SCN1A: variants seen among roughly 807,000 people sequenced by gnomAD.
SCN1A encodes sodium channel protein type 1 subunit alpha.
A neutral mutation model predicts 193.7 loss-of-function variants in SCN1A; 13 were observed. That is an observed-to-expected ratio of 0.07 (90% CI 0.04 to 0.11). The LOEUF is 0.11. SCN1A is among the 10% of genes least tolerant of loss of function. The pLI is 1.00. For missense variants in SCN1A, 1,432 were observed against 2,451.1 expected, an observed-to-expected ratio of 0.58 and a Z score of 8.78; for synonymous variants, 781 against 843.6, an observed-to-expected ratio of 0.93 and a Z score of 1.29.
chr2:166,115,374 C>G (rs1465668434), intron 2 of SCN1A, among the ~76,000 whole-genome samples: 1 of 151,734 alleles, frequency 6.6e-6, no homozygotes, highest in Non-Finnish European at 1.5e-5. Flanking sequence ...AACAAACAAA[C>G]AAAAAAGAAT....
chr2:166,015,468 G>A, intron 20 of SCN1A, 139 bp downstream of exon 20: 1 of 1,009,616 alleles, frequency 9.9e-7, no homozygotes, highest in Non-Finnish European at 1.5e-6. Flanking sequence ...AAGTTTTTTT[G>A]TCTGTCAACA....
chr2:166,049,140 G>A, intron 9 of SCN1A, among the ~76,000 whole-genome samples, 191 bp from the exon 10 acceptor site: 1 of 87,318 alleles, frequency 1.1e-5, no homozygotes, highest in South Asian at 3.8e-4. Flanking sequence ...ACAGTGCAAA[G>A]TATTTCTTCA....
chr2:165,989,709 A>G lies in SCN1A; in HGVS notation c.*1536T>C, dbSNP rs898268255. On this transcript the variant is annotated 3_prime_UTR_variant, in exon 29 of 29. Transcript: ENST00000674923. ...TAGCAAATTTCTTTCATGAAAAAGT[A>G]CTATGGACAGAAAGTAAGAAAAGTG... is the stretch of plus-strand genomic sequence containing the variant. The G allele has an allele frequency of 1.3e-5, 2 of 152,606 alleles. No individual in the cohort carries two copies. The highest frequency in any genetic ancestry group is 1.5e-5 in the Non-Finnish European group (1 of 68,014). 9.5% of individuals were successfully genotyped at this position (152,606 alleles called of 1,614,324 possible).
chr2:165,994,634 A>G (rs903990947), intron 27 of SCN1A, among the ~76,000 whole-genome samples: 1 of 145,304 alleles, frequency 6.9e-6, no homozygotes, highest in Non-Finnish European at 1.5e-5. Flanking sequence ...CCCTTATCCA[A>G]AGAAGGTTTC....
intron 2 of SCN1A, among the ~76,000 whole-genome samples, chr2:166,083,411 G>A (rs1685742949): frequency 6.6e-6 from 1 of 151,904 alleles, no homozygotes; most frequent in African/African-American, 2.4e-5. Context: ...GTATACTCCA[G>A]GGGTGTTTTT....
intron 1 of SCN1A, chr2:166,137,699 C>T (rs1258470295): frequency 6.6e-6 from 1 of 152,218 alleles, no homozygotes; most frequent in Non-Finnish European, 1.5e-5. Context: ...TTATCAGCAG[C>T]TTGAAAATGG....
At chr2:166,130,131 T>C (rs1558908652), upstream of SCN1A, among the ~76,000 whole-genome samples, 1 of 152,192 alleles carries the variant, frequency 6.6e-6, no homozygotes, top group Non-Finnish European at 1.5e-5. Context: ...TTGAGTCCCA[T>C]GATAAACTCA....
At position 166,039,474 on chromosome 2, in the gene SCN1A, T is replaced by A; in HGVS notation, c.2538A>T (p.Glu846Asp). Residue 846 changes from glutamate (E) to aspartate (D), a missense_variant, in exon 17 of 29, where the codon GAA (glutamate) becomes GAT (aspartate). Glu to Asp is a conservative substitution (Grantham distance 45). Coordinates refer to ENST00000674923, the MANE Select transcript of SCN1A (RefSeq NM_001165963.4). ...ATCCTTCCACATTGGCGAGTCCAAG[T>A]TCTACCAGGCTAAGCGTCACAATAA... The part of the protein sequence containing the change: ...DGFIVTLSLV[E>D]LGLANVEGLS... 6.2e-7 allele frequency: 1 copy of A among 1,613,836 alleles called. No individual in the cohort carries two copies. Among genetic ancestry groups the A allele is most frequent in the Non-Finnish European group, 8.5e-7 (1 of 1,179,940 alleles).
intron 14 of SCN1A, 63 bp downstream of exon 14, chr2:166,043,606 G>A: frequency 6.5e-7 from 1 of 1,537,220 alleles, no homozygotes; most frequent in Non-Finnish European, 8.8e-7. Flanking sequence ...CCGTTCTGTA[G>A]AAACACTGGC....
intron 22 of SCN1A, 122 bp downstream of exon 22, chr2:166,011,987 G>A (rs1344424878): frequency 2.4e-6 from 2 of 822,382 alleles, no homozygotes; most frequent in Non-Finnish European, 4.1e-6. Flanking sequence ...TTGCATATAT[G>A]CGTTTAGTGG....
chr2:166,042,738 T>G (rs997603973), intron 14 of SCN1A, among the ~76,000 whole-genome samples: 1 of 152,222 alleles, frequency 6.6e-6, no homozygotes, highest in African/African-American at 2.4e-5. Flanking sequence ...ATTTCTGAAC[T>G]AATAGTAAAA....
At chr2:166,025,513 C>A (rs150561841) in intron 19 of SCN1A, among the ~76,000 whole-genome samples, 1 of 152,130 alleles carries the variant, frequency 6.6e-6, no homozygotes, top group East Asian at 1.9e-4. Context: ...AGGTCAGGCC[C>A]ACCCAGCATC....
At chr2:166,064,907 A>G (rs1683679863) in intron 4 of SCN1A, among the ~76,000 whole-genome samples, 1 of 152,234 alleles carries the variant, frequency 6.6e-6, no homozygotes, top group African/African-American at 2.4e-5. Flanking sequence ...AAAATGTAGA[A>G]TATACTACTG....
At chr2:166,145,735 A>C (rs945521232) in intron 1 of SCN1A, among the ~76,000 whole-genome samples, 2 of 152,228 alleles carry the variant, frequency 1.3e-5, no homozygotes, top group South Asian at 4.1e-4. Context: ...ACTTAAATTC[A>C]ATATTCCTTC....
chr2:166,080,392 A>G (rs545254798), intron 2 of SCN1A, among the ~76,000 whole-genome samples: 1 of 152,012 alleles, frequency 6.6e-6, no homozygotes, highest in Non-Finnish European at 1.5e-5. Flanking sequence ...CCTTTTCAAG[A>G]TGATTATGGT....
chr2:166,073,315 G>T, intron 4 of SCN1A, 43 bp downstream of exon 4: 1 of 1,610,362 alleles, frequency 6.2e-7, no homozygotes, highest in Non-Finnish European at 8.5e-7. Flanking sequence ...AAGGAATGCA[G>T]TAGGCAATTA....
chr2:166,129,197 T>G (rs1019886046), upstream of SCN1A, among the ~76,000 whole-genome samples: 1 of 152,188 alleles, frequency 6.6e-6, no homozygotes, highest in African/African-American at 2.4e-5. Context: ...TGAGCCTTAC[T>G]GAGGTTTATT....
chr2:166,001,550 A>T (rs2105499718), intron 24 of SCN1A, among the ~76,000 whole-genome samples: 1 of 151,782 alleles, frequency 6.6e-6, no homozygotes, highest in Admixed American at 6.6e-5. Flanking sequence ...GACACTGTAG[A>T]ACCACAAGGG....
At chr2:166,092,955 A>T (rs1686975950) in intron 2 of SCN1A, among the ~76,000 whole-genome samples, 1 of 152,128 alleles carries the variant, frequency 6.6e-6, no homozygotes. Context: ...TGTTTATACC[A>T]TGTGACTCTT....
Sources: allele counts gnomAD v4.1 joint callset (sites outside exome capture counted in the v4.1 genomes callset), GRCh38; gene constraint gnomAD v4.1.1; transcripts MANE v1.5; gene names NCBI Gene and HGNC (gene_info 2026-07-23, HGNC 2026-07-21).